The following KCNH1 variants were observed in gnomAD, a reference collection of about 807,000 sequenced individuals.
KCNH1 encodes voltage-gated delayed rectifier potassium channel KCNH1.
In KCNH1, 27 loss-of-function variants were observed where a neutral mutation model predicts 69.2. The ratio of observed to expected loss-of-function variants is 0.39; its 90% CI spans 0.29 to 0.54. KCNH1 has a LOEUF of 0.54. Ranked by LOEUF, KCNH1 falls within the 20% of genes least tolerant of loss-of-function variation. The pLI is 0.68. For synonymous variants in KCNH1, 456 were observed against 487.7 expected, an observed-to-expected ratio of 0.93 and a Z score of 0.86; for missense variants, 798 against 1,261.6, an observed-to-expected ratio of 0.63 and a Z score of 5.57.
chr1:211,001,308 A>C (rs2102400463), intron 6 of KCNH1, among the ~76,000 whole-genome samples: 1 of 152,346 alleles, frequency 6.6e-6, no homozygotes, highest in East Asian at 1.9e-4. Flanking sequence ...AACTCAAACA[A>C]ATTTACAAGA....
chr1:210,884,160 C>T (rs1686553577), intron 7 of KCNH1, among the ~76,000 whole-genome samples: 1 of 152,174 alleles, frequency 6.6e-6, no homozygotes, highest in Admixed American at 6.5e-5. Flanking sequence ...ATGGTCATTA[C>T]CCTTTGAAAG....
chr1:210,755,157 G>T (rs1245147516), intron 10 of KCNH1, among the ~76,000 whole-genome samples: 1 of 152,114 alleles, frequency 6.6e-6, no homozygotes, highest in Admixed American at 6.6e-5. Flanking sequence ...AGCACAGAGT[G>T]GTCGGGGTGG....
chr1:210,726,073 CAAAG>C lies in KCNH1; in HGVS notation c.2113-41939_2113-41936del, dbSNP rs1385049164. Among the ~76,000 whole-genome samples, 4 of 152,172 alleles carry C rather than the reference CAAAG, an allele frequency of 2.6e-5. No individual in the cohort carries two copies. The East Asian group carries it at 7.7e-4, about 29-fold the overall frequency. ...AGTGTATTATATGCCTTCTTTTTGA[CAAAG>C]GAATGGAAGAACAAAGTAACACATC... On this transcript the variant is annotated intron_variant, in intron 10 of 10. Coordinates refer to ENST00000271751, the MANE Select transcript of KCNH1 (RefSeq NM_172362.3).
chr1:211,050,423 G>A (rs1690180585), intron 5 of KCNH1, among the ~76,000 whole-genome samples: 1 of 152,052 alleles, frequency 6.6e-6, no homozygotes, highest in Non-Finnish European at 1.5e-5. Context: ...AAACCAGGCA[G>A]GTGCTATTTT....
chr1:210,822,998 A>T (rs1449566953), intron 7 of KCNH1, among the ~76,000 whole-genome samples: 3 of 152,204 alleles, frequency 2.0e-5, no homozygotes, highest in African/African-American at 4.8e-5. Context: ...CACAGAGTAA[A>T]CTCTCAATAC....
intron 5 of KCNH1, among the ~76,000 whole-genome samples, chr1:211,052,906 C>G (rs534381443): frequency 1.3e-5 from 2 of 152,212 alleles, no homozygotes; most frequent in African/African-American, 2.4e-5. Context: ...ATGGCCATCT[C>G]GCTCCTCATG....
chr1:210,859,062 C>T (rs773893436), intron 7 of KCNH1: 140 of 608,420 alleles, frequency 2.3e-4, no homozygotes, highest in Non-Finnish European at 4.0e-4. Flanking sequence ...TTTTTTCTGT[C>T]CATCTACTGA....
At chr1:210,917,219 GAGAGAGAGAGAGAAAGAAAGAA>G (rs1267357997) in intron 7 of KCNH1, among the ~76,000 whole-genome samples, 138 of 127,078 alleles carry the variant, frequency 1.1e-3, no homozygotes, top group Admixed American at 2.9e-3. Context: ...GAGAGAGAGA[GAGAGAGAGAGAGAAAGAAAGAA>G]AGAAAGAAAG....
chr1:211,087,232 C>G (rs74156898), intron 4 of KCNH1, among the ~76,000 whole-genome samples: 2,897 of 152,214 alleles, frequency 0.019, 99 homozygotes, highest in African/African-American at 0.066. Context: ...GTTTTGCATT[C>G]CTTTTGTCGT....
chr1:211,044,243 T>A (rs1414962455), intron 5 of KCNH1, among the ~76,000 whole-genome samples: 1 of 152,194 alleles, frequency 6.6e-6, no homozygotes, highest in African/African-American at 2.4e-5. Flanking sequence ...TTCAGTAAAG[T>A]GTCCAGATAC....
At chr1:210,699,868 C>T (rs1444268355) in intron 10 of KCNH1, among the ~76,000 whole-genome samples, 1 of 152,132 alleles carries the variant, frequency 6.6e-6, no homozygotes, top group African/African-American at 2.4e-5. Flanking sequence ...AGTGGTAGGG[C>T]CGGCTGGAAT....
intron 6 of KCNH1, among the ~76,000 whole-genome samples, chr1:210,963,136 CA>C (rs774810821): frequency 6.6e-6 from 1 of 151,770 alleles, no homozygotes. Flanking sequence ...TGGTCAAATG[CA>C]TCAAATTTAC....
At chr1:211,058,176 G>A (rs1690349692) in intron 5 of KCNH1, among the ~76,000 whole-genome samples, 1 of 152,170 alleles carries the variant, frequency 6.6e-6, no homozygotes, top group Non-Finnish European at 1.5e-5. Flanking sequence ...GCTGAAGAAT[G>A]TCATCAACAC....
intron 7 of KCNH1, among the ~76,000 whole-genome samples, chr1:210,910,570 G>T (rs1422811357): frequency 3.9e-5 from 6 of 152,206 alleles, no homozygotes; most frequent in Non-Finnish European, 5.9e-5. Flanking sequence ...CAGTGACTAG[G>T]GTGGCAACAC....
At chr1:210,807,166 C>G (rs189273018) in intron 7 of KCNH1, among the ~76,000 whole-genome samples, 58 of 152,082 alleles carry the variant, frequency 3.8e-4, no homozygotes, top group Admixed American at 9.8e-4. Flanking sequence ...CATTTTATCA[C>G]GTGTAGATTC....
chr1:211,022,594 C>A (rs568732300), intron 5 of KCNH1, among the ~76,000 whole-genome samples: 37 of 152,068 alleles, frequency 2.4e-4, no homozygotes, highest in African/African-American at 8.9e-4. Flanking sequence ...GGATTAATAT[C>A]TAGAATATAC....
In KCNH1 at chr1:210,991,942, C is replaced by G. The variant is rs545714462; in HGVS notation, c.1032+26841G>C. Among the ~76,000 whole-genome samples, 6 of 152,248 alleles carry G rather than the reference C, an allele frequency of 3.9e-5. No individual in the cohort carries two copies. The South Asian group carries it at 1.2e-3, about 32-fold the overall frequency. ...CAGCATGCAGAGAGTGGATGATCAT[C>G]AAGAGGCTCAAGCTCAAATCCTCAG... On this transcript the variant is annotated intron_variant, in intron 6 of 10. Transcript: ENST00000271751.
intron 9 of KCNH1, among the ~76,000 whole-genome samples, chr1:210,778,644 A>G (rs1683911387): frequency 6.6e-6 from 1 of 152,178 alleles, no homozygotes; most frequent in Non-Finnish European, 1.5e-5. Context: ...AGAATGATAC[A>G]AGAGAGAGCA....
In KCNH1 at chr1:210,806,836, A is replaced by AAT. The variant is rs1553346590; in HGVS notation, c.1463-2672_1463-2671dup. Among the ~76,000 whole-genome samples the AAT allele has an allele frequency of 8.5e-4, 73 of 85,622 alleles. 3 individuals carry two copies. The highest frequency in any genetic ancestry group is 1.9e-3 in the South Asian group (4 of 2,156). 56.2% of individuals were successfully genotyped at this position (85,622 alleles called of 152,430 possible). ...AAAAAAAAAAAAAAAAAAAAAAAAA[A>AAT]ATATATATATATATATATAAATTTG... On this transcript the variant is annotated intron_variant, in intron 7 of 10. Coordinates refer to ENST00000271751, the MANE Select transcript of KCNH1 (RefSeq NM_172362.3).
Sources: allele counts gnomAD v4.1 joint callset (sites outside exome capture counted in the v4.1 genomes callset), GRCh38; gene constraint gnomAD v4.1.1; transcripts MANE v1.5; gene names NCBI Gene and HGNC (gene_info 2026-07-23, HGNC 2026-07-21).